The following RHEX variants were observed in gnomAD, a reference collection of about 807,000 sequenced individuals.
The protein encoded by RHEX is regulator of hemoglobinization and erythroid cell expansion protein.
RHEX carries 18 observed loss-of-function variants against 20.1 expected under a neutral mutation model. The ratio of observed to expected loss-of-function variants is 0.90; its 90% CI spans 0.62 to 1.33. RHEX has a LOEUF of 1.33. RHEX is among the 40% of genes most tolerant of loss of function. The pLI, the probability that RHEX is intolerant of heterozygous loss-of-function variation, is 0.00. For missense variants in RHEX, 192 were observed against 214.3 expected (o/e 0.90, Z 0.65); for synonymous variants, 87 against 77.1 (o/e 1.13, Z -0.67).
intron 1 of RHEX, among the ~76,000 whole-genome samples, chr1:206,064,444 G>C: frequency 1.4e-5 from 1 of 73,956 alleles, no homozygotes; most frequent in Middle Eastern, 9.3e-3. Flanking sequence ...AGGTGGGGGG[G>C]TCAGCCCCCC....
At chr1:206,079,099 T>C (rs1228723363) in intron 1 of RHEX, among the ~76,000 whole-genome samples, 1 of 152,236 alleles carries the variant, frequency 6.6e-6, no homozygotes, top group Non-Finnish European at 1.5e-5. Flanking sequence ...GTTCATGATA[T>C]ATTCCTTGTA....
intron 5 of RHEX, 134 bp downstream of exon 5, chr1:206,101,331 T>G: frequency 1.4e-6 from 1 of 706,834 alleles, no homozygotes; most frequent in Non-Finnish European, 2.4e-6. Flanking sequence ...CATCACAGCA[T>G]CCTCAGGTGA....
At chr1:206,099,556 T>A in intron 3 of RHEX, 99 bp from the exon 4 acceptor site, 1 of 1,109,348 alleles carries the variant, frequency 9.0e-7, no homozygotes, top group South Asian at 1.5e-5. Flanking sequence ...TGACCTCAAG[T>A]GATCCATTTA....
intron 1 of RHEX, among the ~76,000 whole-genome samples, chr1:206,062,786 G>T (rs1234628235): frequency 6.6e-6 from 1 of 152,146 alleles, no homozygotes; most frequent in Non-Finnish European, 1.5e-5. Context: ...AACAGCTCCC[G>T]TGGGAACTGT....
chr1:206,070,705 T>G (rs1007313085), intron 1 of RHEX, among the ~76,000 whole-genome samples: 1 of 152,096 alleles, frequency 6.6e-6, no homozygotes, highest in African/African-American at 2.4e-5. Context: ...CAGACTGCCT[T>G]TAGTTGGTTT....
At chr1:206,090,782 T>C (rs944214921) in intron 1 of RHEX, among the ~76,000 whole-genome samples, 8 of 152,118 alleles carry the variant, frequency 5.3e-5, no homozygotes, top group African/African-American at 1.9e-4. Context: ...TATTTAGATA[T>C]TTCTATTGTT....
At position 206,101,153 on chromosome 1, in the gene RHEX, T is replaced by C; in HGVS notation, c.274T>C (p.Ser92Pro). 1 of 1,613,080 alleles carries C rather than the reference T, an allele frequency of 6.2e-7. No homozygotes were observed. The highest frequency in any genetic ancestry group is 8.5e-7 in the Non-Finnish European group (1 of 1,179,608). Reference protein sequence around the residue: ...SLYRHDSDTPSDSLDSSCSSP... With the variant: ...SLYRHDSDTPPDSLDSSCSSP... ...CTCCCCAGATGACAGCGACACACCCTCAGATAGCTTGGATAGCTCCTGCAG... is the reference window on the plus strand; with the variant it reads ...CTCCCCAGATGACAGCGACACACCCCCAGATAGCTTGGATAGCTCCTGCAG... Residue 92 changes from serine to proline, a missense_variant, in exon 5 of 6, where the codon TCA becomes CCA. Transcript: ENST00000331555.
chr1:206,095,730 C>T (rs28576482), intron 1 of RHEX, among the ~76,000 whole-genome samples: 16,467 of 152,034 alleles, frequency 0.11, 1,080 homozygotes, highest in East Asian at 0.28. Flanking sequence ...GCAGGAGAAT[C>T]GCTTGAACCT....
chr1:206,059,477 C>G (rs1308688541), intron 1 of RHEX, among the ~76,000 whole-genome samples: 1 of 152,200 alleles, frequency 6.6e-6, no homozygotes, highest in Non-Finnish European at 1.5e-5. Flanking sequence ...GGGTTCCCCC[C>G]ACCCCACCTT....
chr1:206,102,140 T>C lies in RHEX; in HGVS notation c.*188T>C. 1.6e-6 allele frequency: 1 copy of C among 617,292 alleles called. No homozygotes were observed. Among genetic ancestry groups the C allele is most frequent in the Non-Finnish European group, 2.9e-6 (1 of 350,720 alleles). The allele number at this position is 617,292 out of a possible 1,614,324, so 38.2% of individuals were successfully genotyped here. On this transcript the variant is annotated 3_prime_UTR_variant, in exon 6 of 6. Coordinates refer to ENST00000331555, the MANE Select transcript of RHEX (RefSeq NM_001007544.4). The stretch of plus-strand genomic sequence containing the variant: ...TCAAGACCCATGGACTCCTGGTCTG[T>C]ACCCAAAAAAGCTGTTCGTTCCTCA...
intron 3 of RHEX, among the ~76,000 whole-genome samples, chr1:206,099,431 G>T (rs1381886604): frequency 6.6e-6 from 1 of 151,528 alleles, no homozygotes; most frequent in East Asian, 1.9e-4. Flanking sequence ...CAGTTCTCTT[G>T]CCTCAGCCTC....
chr1:206,053,176 G>C lies in RHEX; in HGVS notation c.-186G>C, dbSNP rs1662103877. On this transcript the variant is annotated 5_prime_UTR_variant, in exon 1 of 6. Coordinates refer to ENST00000331555, the MANE Select transcript of RHEX (RefSeq NM_001007544.4). ...TGCCCCGGTGGAATGCCTCACCAGA[G>C]CAGCGTGTAGCAGTTCCCTGTGGAG... is the stretch of plus-strand genomic sequence containing the variant. The C allele has an allele frequency of 6.5e-6, 1 of 152,686 alleles. No homozygotes were observed. The highest frequency in any genetic ancestry group is 2.4e-5 in the African/African-American group (1 of 41,482). The allele number at this position is 152,686 out of a possible 1,614,324, so 9.5% of individuals were successfully genotyped here.
intron 4 of RHEX, 37 bp downstream of exon 4, chr1:206,099,835 C>A: frequency 6.2e-7 from 1 of 1,604,752 alleles, no homozygotes; most frequent in Non-Finnish European, 8.5e-7. Context: ...TGTCTAGGGA[C>A]TAACTTTGCT....
intron 1 of RHEX, among the ~76,000 whole-genome samples, chr1:206,086,765 T>G (rs1229553434): frequency 3.9e-5 from 6 of 152,118 alleles, no homozygotes; most frequent in Non-Finnish European, 8.8e-5. Flanking sequence ...TCCCAGCACT[T>G]TGGGAGGCTG....
At chr1:206,095,993 T>C (rs193173151) in intron 1 of RHEX, among the ~76,000 whole-genome samples, 33 of 152,150 alleles carry the variant, frequency 2.2e-4, no homozygotes, top group African/African-American at 7.2e-4. Context: ...CACACCTAGC[T>C]AATTTTTTTG....
chr1:206,070,098 C>T (rs1553284505), intron 1 of RHEX, among the ~76,000 whole-genome samples: 1 of 151,744 alleles, frequency 6.6e-6, no homozygotes, highest in Non-Finnish European at 1.5e-5. Flanking sequence ...AACTGCCCTT[C>T]TCAGTTAGGA....
intron 1 of RHEX, among the ~76,000 whole-genome samples, chr1:206,055,400 G>A (rs930345581): frequency 6.6e-6 from 1 of 152,202 alleles, no homozygotes; most frequent in African/African-American, 2.4e-5. Flanking sequence ...GCACTCTGCC[G>A]AATAACTAGA....
intron 1 of RHEX, among the ~76,000 whole-genome samples, chr1:206,089,959 C>G (rs1247311419): frequency 6.6e-6 from 1 of 151,910 alleles, no homozygotes. Flanking sequence ...CCTCCTTAAT[C>G]CGTTTGGAAT....
Position 206,090,248 on chromosome 1 carries a change from C to T in RHEX, c.-96-7485C>T, listed in dbSNP as rs149307926. ...TTGAGACAGAGTCTCACTCTATCCCCCAGTCTGGAGTGCTGTGGCACAATC... is the reference window on the plus strand; with the variant it reads ...TTGAGACAGAGTCTCACTCTATCCCTCAGTCTGGAGTGCTGTGGCACAATC... On this transcript the variant is annotated intron_variant, in intron 1 of 5. Transcript: ENST00000331555. 2.8e-3 allele frequency among the ~76,000 whole-genome samples: 418 copies of T among 148,956 alleles called. 1 individual carries two copies. Among genetic ancestry groups the T allele is most frequent in the African/African-American group, 9.8e-3 (393 of 40,230 alleles).
Sources: gnomAD v4.1 joint callset for allele counts (sites outside exome capture counted in the v4.1 genomes callset) on GRCh38, gnomAD v4.1.1 for gene constraint, MANE v1.5 for transcripts, NCBI Gene and HGNC (gene_info 2026-07-23, HGNC 2026-07-21) for gene names.